GCA: variants seen among roughly 807,000 people sequenced by gnomAD.
The protein encoded by GCA is grancalcin.
In GCA, 30 loss-of-function variants were observed where a neutral mutation model predicts 32.6. The observed-to-expected ratio is 0.92, with a 90% CI of 0.69 to 1.25. The LOEUF (loss-of-function observed/expected upper bound fraction) is 1.25, where lower values mean the gene tolerates loss of function less well. Ranked by LOEUF, GCA falls within the 50% of genes most tolerant of loss-of-function variation. The probability of loss-of-function intolerance (pLI) is 0.00; values close to 1 mark genes in which losing one functional copy is unlikely to be tolerated. For synonymous variants in GCA, 102 were observed against 84.6 expected (o/e 1.21, Z -1.13); for missense variants, 291 against 266.8 (o/e 1.09, Z -0.63).
chr2:162,361,325 C>T lies in GCA; in HGVS notation c.*1082C>T, dbSNP rs1685562870. On this transcript the variant is annotated 3_prime_UTR_variant, in exon 8 of 8. Transcript: ENST00000437150. The stretch of plus-strand genomic sequence containing the variant: ...CACCAGATCTTTAGTGTTTAATATC[C>T]CTGGTATAAGATGTTATAATTAATG... 1 of 983,164 alleles carries T rather than the reference C, an allele frequency of 1.0e-6. No homozygotes were observed. The highest frequency in any genetic ancestry group is 1.2e-6 in the Non-Finnish European group (1 of 828,318). The allele number at this position is 983,164 out of a possible 1,614,324, so 60.9% of individuals were successfully genotyped here.
intron 1 of GCA, among the ~76,000 whole-genome samples, chr2:162,345,712 C>T (rs1047892798): frequency 2.6e-5 from 4 of 152,100 alleles, no homozygotes; most frequent in African/African-American, 9.7e-5. Flanking sequence ...CCCTCAATAG[C>T]TGAAGCAATA....
chr2:162,346,396 G>T (rs1359461885), intron 1 of GCA, among the ~76,000 whole-genome samples: 1 of 152,206 alleles, frequency 6.6e-6, no homozygotes, highest in African/African-American at 2.4e-5. Flanking sequence ...CTGGTGGTCA[G>T]ATTAATGATG....
downstream of GCA, among the ~76,000 whole-genome samples, chr2:162,372,439 GAGGGTATA>G (rs1196166803): frequency 6.6e-6 from 1 of 152,114 alleles, no homozygotes; most frequent in Non-Finnish European, 1.5e-5. Context: ...TGATGAATAA[GAGGGTATA>G]AGGAGGAAAG....
chr2:162,359,262 T>C, intron 6 of GCA, 105 bp downstream of exon 6: 1 of 714,442 alleles, frequency 1.4e-6, no homozygotes, highest in Non-Finnish European at 2.5e-6. Context: ...GTTTTCTCCC[T>C]TTATTCACTG....
exon 1 of GCA, chr2:162,319,076 G>A (rs752775615): frequency 1.6e-5 from 7 of 447,376 alleles, no homozygotes; most frequent in Middle Eastern, 3.7e-4. Flanking sequence ...GCCTGGCTGA[G>A]GGTGGTGAGA....
chr2:162,366,525 CATTTA>C, downstream of GCA, among the ~76,000 whole-genome samples: 1 of 151,778 alleles, frequency 6.6e-6, no homozygotes, highest in Non-Finnish European at 1.5e-5. Flanking sequence ...CTGTATTTGA[CATTTA>C]ACCGAAGTGT....
chr2:162,331,407 A>G (rs1684079113), intron 1 of GCA, among the ~76,000 whole-genome samples: 1 of 151,770 alleles, frequency 6.6e-6, no homozygotes, highest in Non-Finnish European at 1.5e-5. Flanking sequence ...CAACTATCCT[A>G]TGGTTTGAAT....
At chr2:162,353,003 G>A (rs1306435091) in intron 3 of GCA, among the ~76,000 whole-genome samples, 2 of 152,116 alleles carry the variant, frequency 1.3e-5, no homozygotes, top group Non-Finnish European at 1.5e-5. Flanking sequence ...TCTGGGATAT[G>A]CAGTTTTTTA....
chr2:162,338,158 T>C (rs10196203), intron 1 of GCA, among the ~76,000 whole-genome samples: 17,618 of 152,176 alleles, frequency 0.12, 2,330 homozygotes, highest in African/African-American at 0.29. Flanking sequence ...ATATCAAGTG[T>C]TATATAAAAG....
chr2:162,320,203 T>C (rs903626837), intron 1 of GCA, among the ~76,000 whole-genome samples: 1 of 152,174 alleles, frequency 6.6e-6, no homozygotes, highest in Non-Finnish European at 1.5e-5. Context: ...GTAGGCCTGA[T>C]TTATACTGTT....
intron 2 of GCA, among the ~76,000 whole-genome samples, chr2:162,351,864 G>A (rs1379939828): frequency 6.6e-6 from 1 of 152,066 alleles, no homozygotes; most frequent in Admixed American, 6.6e-5. Context: ...CAGAAGAATA[G>A]CAGCAAGATA....
chr2:162,347,135 C>T (rs949854308), intron 1 of GCA, among the ~76,000 whole-genome samples: 3 of 152,146 alleles, frequency 2.0e-5, no homozygotes, highest in Non-Finnish European at 4.4e-5. Flanking sequence ...GTAAAGAATA[C>T]AATACCCAAC....
downstream of GCA, among the ~76,000 whole-genome samples, chr2:162,364,903 A>G (rs1158181892): frequency 2.0e-5 from 3 of 151,632 alleles, no homozygotes; most frequent in Non-Finnish European, 4.4e-5. Flanking sequence ...GTTTTAGTCA[A>G]TCACTGTTGT....
Position 162,361,129 on chromosome 2 carries a change from A to G in GCA, c.*886A>G, listed in dbSNP as rs1446499852. The G allele has an allele frequency of 1.0e-6, 1 of 976,528 alleles. No homozygotes were observed. Among genetic ancestry groups the G allele is most frequent in the African/African-American group, 1.8e-5 (1 of 57,118 alleles). The allele number at this position is 976,528 out of a possible 1,614,324, so 60.5% of individuals were successfully genotyped here. On this transcript the variant is annotated 3_prime_UTR_variant, in exon 8 of 8. Transcript: ENST00000437150. The stretch of plus-strand genomic sequence containing the variant: ...AAGTAATTAACCACTCTAATTGTTC[A>G]GAAATTTTACATTTGACTTATTTGA...
chr2:162,365,426 A>T (rs1317899185), downstream of GCA, among the ~76,000 whole-genome samples: 1 of 151,670 alleles, frequency 6.6e-6, no homozygotes, highest in African/African-American at 2.4e-5. Flanking sequence ...CTTTGAAGAA[A>T]ATATTTACTA....
chr2:162,327,620 C>T (rs1320231516), intron 1 of GCA, among the ~76,000 whole-genome samples: 1 of 152,110 alleles, frequency 6.6e-6, no homozygotes, highest in Non-Finnish European at 1.5e-5. Context: ...CTTTTGGGGT[C>T]AGCCTTTGGC....
At chr2:162,321,883 CATATATATATATATATATATATATATAT>C (rs10529213) in intron 1 of GCA, among the ~76,000 whole-genome samples, 7,753 of 70,306 alleles carry the variant, frequency 0.11, 471 homozygotes, top group Middle Eastern at 0.23. Context: ...AATTTAGTTA[CATATATATATATATATATATATATATAT>C]ATATATATAT....
intron 1 of GCA, among the ~76,000 whole-genome samples, chr2:162,326,579 C>A (rs922544513): frequency 6.6e-6 from 1 of 152,050 alleles, no homozygotes; most frequent in East Asian, 1.9e-4. Context: ...TGCAATGGCA[C>A]GATCTTGGTT....
chr2:162,347,039 C>G (rs971890891), intron 1 of GCA, among the ~76,000 whole-genome samples: 2 of 152,166 alleles, frequency 1.3e-5, no homozygotes, highest in Admixed American at 6.5e-5. Flanking sequence ...TGCTTCCCGC[C>G]CCTTAAAAGA....
Sources: gnomAD v4.1 joint callset for allele counts (sites outside exome capture counted in the v4.1 genomes callset) on GRCh38, gnomAD v4.1.1 for gene constraint, MANE v1.5 for transcripts, NCBI Gene and HGNC (gene_info 2026-07-23, HGNC 2026-07-21) for gene names.